The following AOPEP variants were observed in gnomAD, a reference collection of about 807,000 sequenced individuals.
AOPEP encodes aminopeptidase O.
AOPEP carries 77 observed loss-of-function variants against 98.1 expected under a neutral mutation model. That is an observed-to-expected ratio of 0.78 (90% confidence interval 0.65 to 0.95). AOPEP has a LOEUF of 0.95. Among genes scored for constraint, AOPEP ranks in the 40% least tolerant of loss-of-function variants. The pLI is 0.00. For missense variants in AOPEP, 1,024 were observed against 1,024.7 expected (o/e 1.00, Z 0.01); for synonymous variants, 346 against 365.3 (o/e 0.95, Z 0.60).
At chr9:94,749,656 C>T (rs947881725) in intron 1 of AOPEP, among the ~76,000 whole-genome samples, 1 of 152,250 alleles carries the variant, frequency 6.6e-6, no homozygotes, top group East Asian at 1.9e-4. Context: ...CTGTTAAAAC[C>T]ATCCAGTGAA....
chr9:94,744,661 A>G (rs1284163972), intron 1 of AOPEP, among the ~76,000 whole-genome samples: 1 of 145,586 alleles, frequency 6.9e-6, no homozygotes, highest in Non-Finnish European at 1.5e-5. Flanking sequence ...AGATTGTGCC[A>G]TTGCACTCCA....
intron 5 of AOPEP, among the ~76,000 whole-genome samples, chr9:94,852,933 C>T (rs944454284): frequency 3.9e-5 from 6 of 152,182 alleles, no homozygotes; most frequent in South Asian, 2.1e-4. Context: ...AGGTATTCTA[C>T]GCCAATTCCA....
chr9:95,012,215 A>G (rs2062585470), intron 13 of AOPEP, among the ~76,000 whole-genome samples: 2 of 152,228 alleles, frequency 1.3e-5, no homozygotes, highest in South Asian at 2.1e-4. Context: ...AGTGCAGGTT[A>G]TTGACAATCC....
chr9:95,088,683 G>T (rs1307134540), downstream of AOPEP, among the ~76,000 whole-genome samples: 1 of 152,236 alleles, frequency 6.6e-6, no homozygotes, highest in Non-Finnish European at 1.5e-5. Context: ...CGGCCCAGTG[G>T]TTTGGGGTGA....
intron 5 of AOPEP, among the ~76,000 whole-genome samples, chr9:94,847,994 C>CA (rs1389328182): frequency 2.0e-5 from 3 of 152,196 alleles, no homozygotes; most frequent in Non-Finnish European, 4.4e-5. Context: ...CTTTAATGTT[C>CA]AGGTCCACAC....
At chr9:94,966,959 T>C (rs1488202754) in intron 9 of AOPEP, among the ~76,000 whole-genome samples, 1 of 152,186 alleles carries the variant, frequency 6.6e-6, no homozygotes, top group Non-Finnish European at 1.5e-5. Context: ...ATAAGAGATA[T>C]TTACTAAAAC....
Position 94,915,044 on chromosome 9 carries a change from A to G in AOPEP, c.1365-8942A>G, listed in dbSNP as rs957204232. Among the ~76,000 whole-genome samples the G allele has an allele frequency of 3.3e-5, 5 of 152,324 alleles. No homozygotes were observed. In the South Asian group the frequency reaches 1.0e-3, roughly 32 times the overall value. On this transcript the variant is annotated intron_variant, in intron 5 of 16. Coordinates refer to ENST00000375315, the MANE Select transcript of AOPEP (RefSeq NM_001193329.3). ...TGATACCCGCTGGTGTTGATCAAGC[A>G]AAACATGTGTATGAGCCAGGCTGCT...
intron 4 of AOPEP, among the ~76,000 whole-genome samples, chr9:94,795,415 C>T (rs1846700989): frequency 6.6e-6 from 1 of 152,078 alleles, no homozygotes; most frequent in Admixed American, 6.5e-5. Flanking sequence ...TTGGATATAC[C>T]TCTTTGGACA....
the AOPEP span, chr9:95,149,979 T>C: frequency 1.2e-6 from 2 of 1,613,086 alleles, no homozygotes; most frequent in Non-Finnish European, 1.7e-6. Flanking sequence ...TTTCCTGAGG[T>C]TCACGTCCAT....
chr9:94,967,843 T>A (rs2059302651), intron 10 of AOPEP, 42 bp downstream of exon 10: 7 of 1,525,004 alleles, frequency 4.6e-6, no homozygotes, highest in Non-Finnish European at 6.4e-6. Flanking sequence ...GAGCCCAGTT[T>A]TAATGTTAAA....
the AOPEP span, among the ~76,000 whole-genome samples, chr9:95,147,591 T>TA: frequency 1.3e-5 from 2 of 152,192 alleles, no homozygotes; most frequent in African/African-American, 4.8e-5. Context: ...AGACATCTGC[T>TA]ACAGAGAAAG....
intron 13 of AOPEP, among the ~76,000 whole-genome samples, chr9:95,040,655 G>A (rs552185861): frequency 2.6e-5 from 4 of 152,292 alleles, no homozygotes; most frequent in South Asian, 2.1e-4. Context: ...CCCCCAGGAC[G>A]CCTATTGCTG....
At chr9:95,079,116 C>G (rs1174141678) in intron 14 of AOPEP, among the ~76,000 whole-genome samples, 1 of 152,232 alleles carries the variant, frequency 6.6e-6, no homozygotes, top group Non-Finnish European at 1.5e-5. Context: ...AAGGGCCTGG[C>G]TGCCTGCGAG....
intron 9 of AOPEP, among the ~76,000 whole-genome samples, chr9:94,966,890 G>A (rs925074799): frequency 1.4e-4 from 21 of 152,274 alleles, no homozygotes; most frequent in African/African-American, 4.1e-4. Flanking sequence ...AAATATAAAC[G>A]AACATTCATA....
chr9:94,994,068 A>G (rs1156326330), intron 11 of AOPEP, among the ~76,000 whole-genome samples: 2 of 152,064 alleles, frequency 1.3e-5, no homozygotes, highest in Non-Finnish European at 2.9e-5. Context: ...TTCACATTCC[A>G]TGCAGCCAGG....
At chr9:94,967,604 A>G (rs16911884) in intron 9 of AOPEP, among the ~76,000 whole-genome samples, 154 bp from the exon 10 acceptor site, 11,906 of 152,202 alleles carry the variant, frequency 0.078, 1,178 homozygotes, top group African/African-American at 0.23. Flanking sequence ...CTGGGAAATT[A>G]ATAAGTTGAG....
At chr9:94,967,730 T>C (rs2059296672) in intron 9 of AOPEP, 28 bp from the exon 10 acceptor site, 2 of 1,601,362 alleles carry the variant, frequency 1.2e-6, no homozygotes, top group Non-Finnish European at 1.7e-6. Flanking sequence ...GATGGACATC[T>C]TTAATGATTT....
At chr9:95,085,573 G>A in intron 16 of AOPEP, 1 of 461,088 alleles carries the variant, frequency 2.2e-6, no homozygotes. Flanking sequence ...AGCCGCTGGG[G>A]CAGAGGCCGT....
At chr9:94,855,217 A>T (rs904293162) in intron 5 of AOPEP, among the ~76,000 whole-genome samples, 1 of 151,946 alleles carries the variant, frequency 6.6e-6, no homozygotes, top group Non-Finnish European at 1.5e-5. Flanking sequence ...AGCTGGGACT[A>T]CAGGCGTGTG....
Sources: gnomAD v4.1 joint callset for allele counts (sites outside exome capture counted in the v4.1 genomes callset) on GRCh38, gnomAD v4.1.1 for gene constraint, MANE v1.5 for transcripts, NCBI Gene and HGNC (gene_info 2026-07-23, HGNC 2026-07-21) for gene names.